Variants in EPM2A observed in about 807,000 individuals in gnomAD.
EPM2A encodes EPM2A glucan phosphatase, laforin.
A neutral mutation model predicts 26.5 loss-of-function variants in EPM2A; 21 were observed. The ratio of observed to expected loss-of-function variants is 0.79; its 90% CI spans 0.56 to 1.14. EPM2A has a LOEUF of 1.14. Among genes scored for constraint, EPM2A ranks in the 50% most tolerant of loss-of-function variants. EPM2A has a pLI of 0.00. For synonymous variants in EPM2A, 217 were observed against 177.6 expected (o/e 1.22, Z -1.76); for missense variants, 458 against 440.8 (o/e 1.04, Z -0.35).
At chr6:145,702,548 T>G (rs540760661) in intron 1 of EPM2A, among the ~76,000 whole-genome samples, 14 of 152,300 alleles carry the variant, frequency 9.2e-5, no homozygotes, top group Admixed American at 7.8e-4. Flanking sequence ...GATAATCCAT[T>G]TAAAAGATTT....
intron 4 of EPM2A, among the ~76,000 whole-genome samples, chr6:145,405,515 G>A (rs1047264792): frequency 1.3e-5 from 2 of 152,256 alleles, no homozygotes; most frequent in African/African-American, 4.8e-5. Context: ...CAGAGGTAAT[G>A]TTCCCTGATA....
chr6:145,432,988 C>A (rs1376085589), intron 4 of EPM2A, among the ~76,000 whole-genome samples: 1 of 152,146 alleles, frequency 6.6e-6, no homozygotes, highest in East Asian at 1.9e-4. Context: ...TTCCTCACCT[C>A]TCTCAGACTT....
chr6:145,411,777 A>G (rs1259582889), intron 4 of EPM2A, among the ~76,000 whole-genome samples: 4 of 152,182 alleles, frequency 2.6e-5, no homozygotes, highest in Non-Finnish European at 5.9e-5. Flanking sequence ...ATCGCCTAAA[A>G]CTATTCAGTT....
chr6:145,501,713 T>C, exon 4 of EPM2A: 1 of 459,792 alleles, frequency 2.2e-6, no homozygotes, highest in South Asian at 1.6e-5. Flanking sequence ...ATTCAATGCT[T>C]ATGAAATTTT....
downstream of EPM2A, among the ~76,000 whole-genome samples, chr6:145,501,114 G>GACTTTTACATTTTCACTCTCA (rs1562359942): frequency 6.6e-6 from 1 of 152,084 alleles, no homozygotes; most frequent in African/African-American, 2.4e-5. Flanking sequence ...GAGAGGAGAG[G>GACTTTTACATTTTCACTCTCA]ACTTTTACAT....
chr6:145,642,323 T>C (rs1350755676), intron 2 of EPM2A, among the ~76,000 whole-genome samples: 2 of 152,182 alleles, frequency 1.3e-5, no homozygotes, highest in East Asian at 1.9e-4. Context: ...AAGACTTGTT[T>C]AAAATCAATC....
intron 4 of EPM2A, among the ~76,000 whole-genome samples, chr6:145,395,550 T>C (rs138964099): frequency 1.3e-5 from 2 of 152,206 alleles, no homozygotes; most frequent in Non-Finnish European, 2.9e-5. Flanking sequence ...ACTATACATG[T>C]TCCTTATTCA....
chr6:145,426,181 A>C (rs1423864790), intron 4 of EPM2A, among the ~76,000 whole-genome samples: 1 of 152,322 alleles, frequency 6.6e-6, no homozygotes, highest in Admixed American at 6.5e-5. Flanking sequence ...CTATTGGCTG[A>C]TGTTCACAGC....
chr6:145,438,517 A>C (rs1779018793), intron 4 of EPM2A, among the ~76,000 whole-genome samples: 1 of 135,518 alleles, frequency 7.4e-6, no homozygotes, highest in South Asian at 2.4e-4. Context: ...TCTGTCACCC[A>C]GGCTGGAGTG....
intron 1 of EPM2A, among the ~76,000 whole-genome samples, chr6:145,730,198 T>C (rs1031996698): frequency 2.6e-5 from 4 of 152,212 alleles, no homozygotes; most frequent in Non-Finnish European, 4.4e-5. Context: ...TACTTCTTTA[T>C]AGCAATGCAA....
At chr6:145,713,751 A>T (rs1414814789) in intron 1 of EPM2A, among the ~76,000 whole-genome samples, 1 of 152,190 alleles carries the variant, frequency 6.6e-6, no homozygotes, top group Non-Finnish European at 1.5e-5. Flanking sequence ...TACCCAATAC[A>T]AGTAAAAACA....
At chr6:145,415,118 A>T (rs1165922952) in intron 4 of EPM2A, among the ~76,000 whole-genome samples, 1 of 152,178 alleles carries the variant, frequency 6.6e-6, no homozygotes, top group Non-Finnish European at 1.5e-5. Context: ...GCTACAGAGT[A>T]TTGAGCACTA....
At chr6:145,673,210 C>CA (rs1482979221) in intron 2 of EPM2A, among the ~76,000 whole-genome samples, 1 of 151,338 alleles carries the variant, frequency 6.6e-6, no homozygotes, top group Non-Finnish European at 1.5e-5. Context: ...TTAAAAAACT[C>CA]AAACTTATTT....
chr6:145,508,547 A>T (rs951472442), intron 2 of EPM2A, among the ~76,000 whole-genome samples: 2 of 149,072 alleles, frequency 1.3e-5, no homozygotes, highest in African/African-American at 4.9e-5. Context: ...CAACACAGTC[A>T]TACCCTCAAG....
At chr6:145,703,622 A>G (rs1240605231) in intron 1 of EPM2A, among the ~76,000 whole-genome samples, 2 of 152,202 alleles carry the variant, frequency 1.3e-5, no homozygotes, top group East Asian at 3.8e-4. Context: ...TCTCTTTACA[A>G]GTGAAAACTA....
chr6:145,490,865 T>C (rs1287542160), intron 4 of EPM2A: 36 of 673,904 alleles, frequency 5.3e-5, no homozygotes, highest in South Asian at 4.6e-4. Flanking sequence ...TCTGTCACTT[T>C]GATGATACTT....
intron 4 of EPM2A, chr6:145,489,803 C>G (rs540561526): frequency 7.0e-7 from 1 of 1,433,176 alleles, no homozygotes; most frequent in East Asian, 2.3e-5. Context: ...TCTGGGGTCA[C>G]GTGGTCCAAG....
At chr6:145,386,662 C>A (rs1237643451) in intron 4 of EPM2A, among the ~76,000 whole-genome samples, 1 of 151,900 alleles carries the variant, frequency 6.6e-6, no homozygotes, top group Non-Finnish European at 1.5e-5. Flanking sequence ...AATATTTGTC[C>A]TGAACAAGGA....
At chr6:145,658,256 T>C (rs1778436136) in intron 2 of EPM2A, among the ~76,000 whole-genome samples, 1 of 152,248 alleles carries the variant, frequency 6.6e-6, no homozygotes. Context: ...ATTGTATTTA[T>C]AGATATTTTC....
Sources: gnomAD v4.1 joint callset for allele counts (sites outside exome capture counted in the v4.1 genomes callset) on GRCh38, gnomAD v4.1.1 for gene constraint, MANE v1.5 for transcripts, NCBI Gene and HGNC (gene_info 2026-07-23, HGNC 2026-07-21) for gene names.